Variants in ADAM12 observed in about 807,000 individuals in gnomAD.
ADAM12 encodes ADAM metallopeptidase domain 12.
In ADAM12, 70 loss-of-function variants were observed where a neutral mutation model predicts 106.4. The ratio of observed to expected loss-of-function variants is 0.66; its 90% CI spans 0.54 to 0.80. ADAM12 has a LOEUF of 0.80. ADAM12 is among the 30% of genes least tolerant of loss of function. The pLI is 0.00. For missense variants in ADAM12, 1,010 were observed against 1,171.9 expected (o/e 0.86, Z 2.02); for synonymous variants, 420 against 433.5 (o/e 0.97, Z 0.39).
At chr10:126,345,721 G>A (rs1855114272) in intron 1 of ADAM12, among the ~76,000 whole-genome samples, 1 of 152,132 alleles carries the variant, frequency 6.6e-6, no homozygotes, top group Non-Finnish European at 1.5e-5. Context: ...GGTCTATTCA[G>A]GGTTTCAACT....
In ADAM12 at chr10:126,224,050, C is replaced by G. The variant is rs1185393756; in HGVS notation, c.260+54865G>C. ...CTCAGAGTGGAACTCATGACCCCCA[C>G]CAGCTAAGGCTGTGGGGCTCCAGAC... On this transcript the variant is annotated intron_variant, in intron 3 of 22. Transcript: ENST00000448723. Among the ~76,000 whole-genome samples the G allele has an allele frequency of 2.0e-5, 3 of 152,292 alleles. No homozygotes were observed. In the East Asian group the frequency reaches 5.8e-4, roughly 29 times the overall value.
At chr10:126,320,158 T>C (rs116056831) in intron 2 of ADAM12, among the ~76,000 whole-genome samples, 153 of 152,368 alleles carry the variant, frequency 1.0e-3, no homozygotes, top group African/African-American at 3.7e-3. Flanking sequence ...AGAAACTAAA[T>C]TTAAATTCAT....
intron 21 of ADAM12, among the ~76,000 whole-genome samples, chr10:126,024,842 C>T (rs1953838097): frequency 8.6e-6 from 1 of 116,032 alleles, no homozygotes; most frequent in African/African-American, 2.8e-5. Flanking sequence ...CAAATAGACA[C>T]ATGGAGAACA....
intron 11 of ADAM12, among the ~76,000 whole-genome samples, chr10:126,081,184 C>T (rs1955207180): frequency 6.6e-6 from 1 of 152,154 alleles, no homozygotes; most frequent in African/African-American, 2.4e-5. Context: ...TCCCCACCTC[C>T]AAGCTCAGGG....
Position 126,122,430 on chromosome 10 carries a change from T to C in ADAM12, c.417-4206A>G, listed in dbSNP as rs2133637705. On this transcript the variant is annotated intron_variant, in intron 5 of 22. Transcript: ENST00000448723. The stretch of plus-strand genomic sequence containing the variant: ...ATAGGTAGGAGAGGATTTTTGTTTA[T>C]TAAAGTTGATTTTATTAAGGATGCG... Among the ~76,000 whole-genome samples the C allele has an allele frequency of 2.0e-5, 3 of 152,272 alleles. No homozygotes were observed. In the South Asian group the frequency reaches 6.2e-4, roughly 32 times the overall value.
intron 3 of ADAM12, among the ~76,000 whole-genome samples, chr10:126,243,982 C>T (rs1958581773): frequency 6.6e-6 from 1 of 152,174 alleles, no homozygotes; most frequent in African/African-American, 2.4e-5. Flanking sequence ...TGACATTGCA[C>T]CAACTGGATC....
chr10:126,342,149 G>T (rs997907558), intron 1 of ADAM12, among the ~76,000 whole-genome samples: 2 of 152,210 alleles, frequency 1.3e-5, no homozygotes, highest in African/African-American at 2.4e-5. Context: ...GGGGAATAGG[G>T]TGAGATGGGG....
chr10:126,033,216 G>C (rs1265083937), intron 21 of ADAM12, among the ~76,000 whole-genome samples: 1 of 152,090 alleles, frequency 6.6e-6, no homozygotes, highest in South Asian at 2.1e-4. Context: ...GCCACAATGG[G>C]AAGTTTTATA....
chr10:126,125,444 C>CA (rs1956189521), intron 5 of ADAM12, among the ~76,000 whole-genome samples: 1 of 151,956 alleles, frequency 6.6e-6, no homozygotes, highest in Non-Finnish European at 1.5e-5. Context: ...GGGGTTTCAC[C>CA]ATGTTGGCCA....
At chr10:126,123,566 G>T (rs994600140) in intron 5 of ADAM12, among the ~76,000 whole-genome samples, 1 of 152,170 alleles carries the variant, frequency 6.6e-6, no homozygotes, top group Non-Finnish European at 1.5e-5. Flanking sequence ...TCACCCCCCT[G>T]TGGCACTCTT....
chr10:126,162,161 C>G (rs929153029), intron 3 of ADAM12, among the ~76,000 whole-genome samples: 7 of 152,146 alleles, frequency 4.6e-5, no homozygotes, highest in African/African-American at 1.4e-4. Context: ...GGCTCCATGA[C>G]AGGGACACGC....
At chr10:126,027,836 T>C (rs531429211) in intron 21 of ADAM12, among the ~76,000 whole-genome samples, 6 of 152,248 alleles carry the variant, frequency 3.9e-5, no homozygotes, top group Non-Finnish European at 8.8e-5. Context: ...CAACATAGTA[T>C]TGGAAGTTCT....
intron 11 of ADAM12, among the ~76,000 whole-genome samples, chr10:126,087,381 G>A (rs61866062): frequency 0.18 from 27,871 of 151,942 alleles, 3,274 homozygotes; most frequent in South Asian, 0.33. Flanking sequence ...TGATAATGTC[G>A]GGGTACAGCT....
At chr10:126,051,729 C>G (rs1014112802) in intron 14 of ADAM12, among the ~76,000 whole-genome samples, 3 of 152,292 alleles carry the variant, frequency 2.0e-5, no homozygotes, top group Admixed American at 2.0e-4. Flanking sequence ...TGTATTTATT[C>G]AGCACCTACT....
At chr10:126,149,805 T>C (rs1956697430) in intron 4 of ADAM12, among the ~76,000 whole-genome samples, 1 of 152,206 alleles carries the variant, frequency 6.6e-6, no homozygotes, top group South Asian at 2.1e-4. Context: ...GGCTGCACCA[T>C]CGGCTTCCCT....
At chr10:126,113,260 T>C (rs181678073) in intron 6 of ADAM12, among the ~76,000 whole-genome samples, 2 of 151,280 alleles carry the variant, frequency 1.3e-5, no homozygotes, top group African/African-American at 4.9e-5. Flanking sequence ...CGGACAAGAG[T>C]GGACGAGAGG....
chr10:126,207,972 T>A (rs2133831320), intron 3 of ADAM12, among the ~76,000 whole-genome samples: 1 of 152,338 alleles, frequency 6.6e-6, no homozygotes, highest in Admixed American at 6.5e-5. Context: ...ATTTCTGTAA[T>A]TTTTTTCTGA....
intron 3 of ADAM12, among the ~76,000 whole-genome samples, chr10:126,202,391 T>A (rs1957718720): frequency 6.6e-6 from 1 of 152,238 alleles, no homozygotes; most frequent in African/African-American, 2.4e-5. Context: ...TTGTATAAAT[T>A]TAATGACTAT....
chr10:126,216,761 G>A (rs1957994883), intron 3 of ADAM12, among the ~76,000 whole-genome samples: 1 of 152,242 alleles, frequency 6.6e-6, no homozygotes, highest in South Asian at 2.1e-4. Context: ...CTCCCTGCCT[G>A]GAACTTAGCC....
Sources: allele counts gnomAD v4.1 joint callset (sites outside exome capture counted in the v4.1 genomes callset), GRCh38; gene constraint gnomAD v4.1.1; transcripts MANE v1.5; gene names NCBI Gene and HGNC (gene_info 2026-07-23, HGNC 2026-07-21).